Variants in GALNTL6 observed in about 807,000 individuals in gnomAD.
GALNTL6 encodes the protein polypeptide N-acetylgalactosaminyltransferase like 6.
In GALNTL6, 46 loss-of-function variants were observed where a neutral mutation model predicts 73.7. The ratio of observed to expected loss-of-function variants is 0.62; its 90% CI spans 0.49 to 0.80. The LOEUF (loss-of-function observed/expected upper bound fraction) is 0.80, where lower values mean the gene tolerates loss of function less well. GALNTL6 is among the 30% of genes least tolerant of loss of function. GALNTL6 has a pLI of 0.00. For synonymous variants in GALNTL6, 259 were observed against 263.7 expected (o/e 0.98, Z 0.17); for missense variants, 604 against 755.0 (o/e 0.80, Z 2.34).
chr4:172,924,654 A>C (rs1293121180), intron 8 of GALNTL6, among the ~76,000 whole-genome samples: 2 of 152,146 alleles, frequency 1.3e-5, no homozygotes, highest in Non-Finnish European at 2.9e-5. Flanking sequence ...GATGGCAGCA[A>C]GCTCTGAGGA....
intron 5 of GALNTL6, among the ~76,000 whole-genome samples, chr4:172,779,071 C>T (rs1452126875): frequency 6.6e-6 from 1 of 152,008 alleles, no homozygotes; most frequent in Non-Finnish European, 1.5e-5. Flanking sequence ...AATATGAGCT[C>T]CATAAGGGCT....
At chr4:172,041,351 C>T (rs1579082158) in intron 2 of GALNTL6, among the ~76,000 whole-genome samples, 1 of 151,988 alleles carries the variant, frequency 6.6e-6, no homozygotes. Context: ...AACAAGCTAT[C>T]AATTATATTA....
intron 5 of GALNTL6, among the ~76,000 whole-genome samples, chr4:172,695,682 T>C (rs1733640124): frequency 6.6e-6 from 1 of 152,222 alleles, no homozygotes; most frequent in Non-Finnish European, 1.5e-5. Context: ...GCACTGTGGC[T>C]CACGCCTGTA....
chr4:172,369,084 T>TG lies in GALNTL6; in HGVS notation c.553+20396dup, dbSNP rs771994926. Among the ~76,000 whole-genome samples the TG allele has an allele frequency of 3.8e-3, 580 of 151,624 alleles. 2 individuals carry two copies. Among genetic ancestry groups the TG allele is most frequent in the African/African-American group, 0.011 (461 of 41,266 alleles). ...GGCAGCCTGCTCTTATTCCCTTATGTGCCCCCCCCCACATCCTGCTGATTG... is the reference window on the plus strand; with the variant it reads ...GGCAGCCTGCTCTTATTCCCTTATGTGGCCCCCCCCCACATCCTGCTGATTG... On this transcript the variant is annotated intron_variant, in intron 5 of 12. Transcript: ENST00000506823.
At chr4:172,835,359 T>G (rs1187026351) in intron 7 of GALNTL6, among the ~76,000 whole-genome samples, 1 of 152,078 alleles carries the variant, frequency 6.6e-6, no homozygotes, top group Non-Finnish European at 1.5e-5. Context: ...TTTGGAAAGG[T>G]GGAGGAAGAT....
chr4:172,178,105 T>A (rs972030970), intron 2 of GALNTL6, among the ~76,000 whole-genome samples: 9 of 152,022 alleles, frequency 5.9e-5, no homozygotes, highest in Non-Finnish European at 1.0e-4. Context: ...AAACTGGCAC[T>A]GTAACTTATT....
intron 7 of GALNTL6, among the ~76,000 whole-genome samples, chr4:172,869,502 G>T (rs1744818302): frequency 6.6e-6 from 1 of 152,140 alleles, no homozygotes; most frequent in Non-Finnish European, 1.5e-5. Context: ...TGTATGCAGA[G>T]GTGGGATTTC....
At chr4:172,238,955 T>C (rs1041712256) in intron 3 of GALNTL6, among the ~76,000 whole-genome samples, 5 of 152,224 alleles carry the variant, frequency 3.3e-5, no homozygotes, top group African/African-American at 1.2e-4. Context: ...TAAAGCTTAC[T>C]TGATCATGAT....
At chr4:172,087,422 GC>G in intron 2 of GALNTL6, among the ~76,000 whole-genome samples, 1 of 139,672 alleles carries the variant, frequency 7.2e-6, no homozygotes, top group Non-Finnish European at 1.5e-5. Flanking sequence ...TCCAGCCTGG[GC>G]AACAGAGTTA....
intron 2 of GALNTL6, among the ~76,000 whole-genome samples, chr4:171,908,695 G>A (rs1444037110): frequency 6.0e-5 from 9 of 150,634 alleles, no homozygotes; most frequent in African/African-American, 7.5e-5. Flanking sequence ...ACATGAACAC[G>A]TATGTTTATT....
intron 3 of GALNTL6, among the ~76,000 whole-genome samples, chr4:172,271,020 G>C (rs1172243389): frequency 6.6e-6 from 1 of 152,090 alleles, no homozygotes; most frequent in Non-Finnish European, 1.5e-5. Flanking sequence ...TAAAGACCCA[G>C]ACAGTCTGAA....
chr4:172,632,304 C>T (rs976826075), intron 5 of GALNTL6, among the ~76,000 whole-genome samples: 5 of 152,070 alleles, frequency 3.3e-5, no homozygotes, highest in Non-Finnish European at 4.4e-5. Flanking sequence ...CAGAAGAGGA[C>T]GGGAACATGT....
At chr4:172,826,303 C>A (rs1363999892) in intron 7 of GALNTL6, among the ~76,000 whole-genome samples, 1 of 152,248 alleles carries the variant, frequency 6.6e-6, no homozygotes. Context: ...TCCTTAGCGT[C>A]CGTTCAGCTG....
At chr4:172,849,707 A>C (rs1365586539) in intron 7 of GALNTL6, among the ~76,000 whole-genome samples, 1 of 152,176 alleles carries the variant, frequency 6.6e-6, no homozygotes, top group Non-Finnish European at 1.5e-5. Context: ...TTAAGTTTTT[A>C]TGTAATAAAA....
chr4:172,483,979 A>G (rs537214007), intron 5 of GALNTL6, among the ~76,000 whole-genome samples: 9 of 152,350 alleles, frequency 5.9e-5, no homozygotes, highest in Non-Finnish European at 1.2e-4. Context: ...CTCAGACAGC[A>G]GAGATGTGTA....
At chr4:171,881,585 C>T (rs111330903) in intron 2 of GALNTL6, among the ~76,000 whole-genome samples, 2,048 of 152,212 alleles carry the variant, frequency 0.013, 38 homozygotes, top group African/African-American at 0.042. Flanking sequence ...AGAGACACAC[C>T]CAGGATCAAT....
chr4:172,208,659 T>C (rs1736223832), intron 2 of GALNTL6, among the ~76,000 whole-genome samples: 1 of 152,140 alleles, frequency 6.6e-6, no homozygotes, highest in Non-Finnish European at 1.5e-5. Context: ...AAAGAATGCA[T>C]TTTATAAATG....
intron 2 of GALNTL6, among the ~76,000 whole-genome samples, chr4:171,861,415 C>G (rs1735828458): frequency 6.6e-6 from 1 of 152,086 alleles, no homozygotes. Context: ...CATTTGTAAC[C>G]CTTTACAATT....
intron 2 of GALNTL6, among the ~76,000 whole-genome samples, chr4:172,015,244 T>C (rs1194824708): frequency 6.6e-6 from 1 of 152,042 alleles, no homozygotes; most frequent in Non-Finnish European, 1.5e-5. Context: ...TGGTGTTAGA[T>C]GTATATATGT....
Sources: gnomAD v4.1 joint callset for allele counts (sites outside exome capture counted in the v4.1 genomes callset) on GRCh38, gnomAD v4.1.1 for gene constraint, MANE v1.5 for transcripts, NCBI Gene and HGNC (gene_info 2026-07-23, HGNC 2026-07-21) for gene names.